The following FCAMR variants were observed in gnomAD, a reference collection of about 807,000 sequenced individuals.
The protein encoded by FCAMR is Fc alpha and mu receptor, also known as high affinity immunoglobulin alpha and immunoglobulin mu Fc receptor.
In FCAMR, 51 loss-of-function variants were observed where a neutral mutation model predicts 52.2. The ratio of observed to expected loss-of-function variants is 0.98; its 90% CI spans 0.78 to 1.23. The LOEUF is 1.23. Among genes scored for constraint, FCAMR ranks in the 50% most tolerant of loss-of-function variants. The probability of loss-of-function intolerance (pLI) is 0.00; values close to 1 mark genes in which losing one functional copy is unlikely to be tolerated. For missense variants in FCAMR, 719 were observed against 712.6 expected, an observed-to-expected ratio of 1.01 and a Z score of -0.10; for synonymous variants, 282 against 262.0, an observed-to-expected ratio of 1.08 and a Z score of -0.74.
At position 206,966,992 on chromosome 1, in the gene FCAMR, G is replaced by A. The variant is rs1028050614; in HGVS notation, c.169+60C>T. On this transcript the variant is annotated intron_variant, in intron 3 of 7. Transcript: ENST00000324852. ...CCAGCCTGTGAGGACCTTTAGGGCA[G>A]CCTGGAAGACTCAGGTCTGGTTTTG... is the stretch of plus-strand genomic sequence containing the variant. 9.5e-6 allele frequency: 15 copies of A among 1,575,696 alleles called. No individual in the cohort carries two copies. In the African/African-American group the frequency reaches 1.2e-4, roughly 13 times the overall value.
At chr1:206,968,060 C>T (rs760225070) in intron 1 of FCAMR, among the ~76,000 whole-genome samples, 5 of 152,204 alleles carry the variant, frequency 3.3e-5, no homozygotes, top group Admixed American at 1.3e-4. Flanking sequence ...GAGATTGTGG[C>T]CGGGCACAGT....
In FCAMR at chr1:206,967,645, C is replaced by G. The variant is rs998549341; in HGVS notation, c.46G>C (p.Val16Leu). ...TAGTCCACTTCTCTTCCTCTCCTCA[C>G]CACTTCCTGTTTGCAGAAGGGGAAT... ...TVKPGEQKEV[V>L]RRGREVDYSR... The change falls in exon 2 of 8, where the codon GTG (valine) becomes CTG (leucine). Residue 16 changes from valine to leucine, a missense_variant. Coordinates refer to ENST00000324852, the MANE Select transcript of FCAMR (RefSeq NM_001170631.2). 6.2e-7 allele frequency: 1 copy of G among 1,614,136 alleles called. No homozygotes were observed. The highest frequency in any genetic ancestry group is 8.5e-7 in the Non-Finnish European group (1 of 1,179,972).
Position 206,958,508 on chromosome 1 carries a change from T to G in FCAMR, c.*8A>C, listed in dbSNP as rs184963036. 8,963 of 1,609,608 alleles carry G rather than the reference T, an allele frequency of 5.6e-3. 33 individuals carry two copies. Among genetic ancestry groups the G allele is most frequent in the Non-Finnish European group, 7.0e-3 (8,244 of 1,178,454 alleles). ...CCATGGTAACTGAGCAGTTCATCTC[T>G]CTGTCCCTCAGGGTCCTGGATTTCT... On this transcript the variant is annotated 3_prime_UTR_variant, in exon 8 of 8. Coordinates refer to ENST00000324852, the MANE Select transcript of FCAMR (RefSeq NM_001170631.2).
rs114889196 is a variant in FCAMR, at chr1:206,960,697, T to G, written c.1179A>C (p.Gln393His). 2 of 1,552,268 alleles carry G rather than the reference T, an allele frequency of 1.3e-6. No homozygotes were observed. Among genetic ancestry groups the G allele is most frequent in the East Asian group, 2.4e-5 (1 of 40,926 alleles). The stretch of plus-strand genomic sequence containing the variant: ...ATTGTTGCTTAGAAACTGGCGTTGC[T>G]TGTGGGAGGATTTCCCAGGCCAAAG... ...SETLAWEILP[Q>H]ATPVSKQQSQ... The change falls in exon 6 of 8, where the codon CAA becomes CAC. Residue 393 changes from glutamine (Q) to histidine (H), a missense_variant. Coordinates refer to ENST00000324852, the MANE Select transcript of FCAMR (RefSeq NM_001170631.2).
chr1:206,959,617 C>A (rs182073706), intron 7 of FCAMR, 62 bp downstream of exon 7: 10 of 1,348,636 alleles, frequency 7.4e-6, no homozygotes, highest in Non-Finnish European at 9.6e-6. Context: ...CCCTACCCAG[C>A]CCTGAGGGTG....
At chr1:206,959,498 AAAAGAAAGAAAAAAAG>A (rs1408699953) in intron 7 of FCAMR, among the ~76,000 whole-genome samples, 165 bp downstream of exon 7, 1 of 151,166 alleles carries the variant, frequency 6.6e-6, no homozygotes, top group African/African-American at 2.4e-5. Context: ...AAAAGAAAAG[AAAAGAAAGAAAAAAAG>A]AAAGAAAGAA....
intron 4 of FCAMR, among the ~76,000 whole-genome samples, 168 bp from the exon 5 acceptor site, chr1:206,962,719 C>T (rs573230473): frequency 6.6e-6 from 1 of 152,284 alleles, no homozygotes; most frequent in South Asian, 2.1e-4. Flanking sequence ...ATTGGGAAAG[C>T]AGATGTTGTC....
rs1317408427 is a variant in FCAMR, at chr1:206,959,488, AAAAG to A, written c.1573+187_1573+190del. 3.9e-3 allele frequency among the ~76,000 whole-genome samples: 597 copies of A among 151,594 alleles called. 6 individuals are homozygous for A. Among genetic ancestry groups the A allele is most frequent in the African/African-American group, 0.014 (564 of 41,262 alleles). ...CAAGAGTCTGTCTAAAAAAAAAAAA[AAAAG>A]AAAAGAAAAGAAAGAAAAAAAGAAA... is the stretch of plus-strand genomic sequence containing the variant. On this transcript the variant is annotated intron_variant, in intron 7 of 7. Transcript: ENST00000324852.
intron 1 of FCAMR, among the ~76,000 whole-genome samples, chr1:206,967,924 A>G (rs1680777669): frequency 6.6e-6 from 1 of 152,190 alleles, no homozygotes; most frequent in Non-Finnish European, 1.5e-5. Flanking sequence ...TCATGCTCTG[A>G]AAGGGGATCT....
chr1:206,966,448 C>T (rs1041660997), intron 3 of FCAMR, among the ~76,000 whole-genome samples: 16 of 152,262 alleles, frequency 1.1e-4, no homozygotes, highest in South Asian at 1.0e-3. Flanking sequence ...TGCAGTGGCG[C>T]GATCTCAGCT....
In FCAMR at chr1:206,960,878, G is replaced by A. The variant is rs1415016346; in HGVS notation, c.998C>T (p.Ser333Leu). Residue 333 changes from serine (S) to leucine (L), a missense_variant, in exon 6 of 8, where the codon TCG (serine) becomes TTG (leucine). Transcript: ENST00000324852. Reference sequence around the variant, plus strand: ...GCTGGCTCTAGCCCTGTTTGTCACCGAGCTTCTGGTGCCCTCCCAAACACC... The same window carrying A: ...GCTGGCTCTAGCCCTGTTTGTCACCAAGCTTCTGGTGCCCTCCCAAACACC... ...TEGVWEGTRS[S>L]VTNRARASKD... 11 of 1,552,282 alleles carry A rather than the reference G, an allele frequency of 7.1e-6. No homozygotes were observed. In the East Asian group the frequency reaches 9.8e-5, roughly 14 times the overall value.
Position 206,960,504 on chromosome 1 carries a change from C to T in FCAMR, c.1372G>A (p.Asp458Asn), listed in dbSNP as rs777631369. ...AAGDLDAATG[D>N]RGPQATLSQT... ...CTCAGTGTTGCTTGGGGACCTCTGT[C>T]TCCAGTGGCAGCATCTAGGTCCCCT... The change falls in exon 6 of 8, where the codon GAC becomes AAC. Residue 458 changes from aspartate (D) to asparagine (N), a missense_variant. Transcript: ENST00000324852. 16 of 1,551,080 alleles carry T rather than the reference C, an allele frequency of 1.0e-5. No homozygotes were observed. The highest frequency in any genetic ancestry group is 5.5e-5 in the African/African-American group (4 of 73,038).
In FCAMR at chr1:206,962,245, A is replaced by G. The variant is rs1558024577; in HGVS notation, c.620T>C (p.Leu207Pro). 3 of 1,614,222 alleles carry G rather than the reference A, an allele frequency of 1.9e-6. No homozygotes were observed. Among genetic ancestry groups the G allele is most frequent in the East Asian group, 2.2e-5 (1 of 44,892 alleles). Residue 207 changes from leucine to proline, a missense_variant, in exon 5 of 8, where the codon CTG (leucine) becomes CCG (proline). Physicochemically the swap from Leu to Pro is moderately conservative, Grantham distance 98 (BLOSUM62 -3). Coordinates refer to ENST00000324852, the MANE Select transcript of FCAMR (RefSeq NM_001170631.2). ...LCGIGSENNMLFLSMNLTISA... is the reference protein window; with the variant it reads ...LCGIGSENNMPFLSMNLTISA... ...GATGGTCAGATTCATGCTTAAGAACAGCATGTTGTTTTCACTTCCAATGCC... is the reference window on the plus strand; with the variant it reads ...GATGGTCAGATTCATGCTTAAGAACGGCATGTTGTTTTCACTTCCAATGCC...
At chr1:206,959,548 T>C in intron 7 of FCAMR, 131 bp downstream of exon 7, 3 of 659,312 alleles carry the variant, frequency 4.6e-6, no homozygotes, top group Non-Finnish European at 8.1e-6. Context: ...CAAGAGTGGT[T>C]AAATGGCTCA....
chr1:206,968,274 G>A (rs1680793302), intron 1 of FCAMR, among the ~76,000 whole-genome samples: 1 of 152,204 alleles, frequency 6.6e-6, no homozygotes, highest in Non-Finnish European at 1.5e-5. Flanking sequence ...AGAAGGCAGA[G>A]GTTGCAGTGA....
chr1:206,962,407 T>C lies in FCAMR; in HGVS notation c.458A>G (p.Gln153Arg), dbSNP rs201548850. Residue 153 changes from glutamine to arginine, a missense_variant, in exon 5 of 8, where the codon CAG (glutamine) becomes CGG (arginine). Coordinates refer to ENST00000324852, the MANE Select transcript of FCAMR (RefSeq NM_001170631.2). ...CRLGPPRWIC[Q>R]TIVSTNQYTH... Reference sequence around the variant, plus strand: ...ATACTGGTTGGTGGACACAATGGTCTGGCAGATCCATCTTGGGGGCCCCAG... The same window carrying C: ...ATACTGGTTGGTGGACACAATGGTCCGGCAGATCCATCTTGGGGGCCCCAG... 47 of 1,614,080 alleles carry C rather than the reference T, an allele frequency of 2.9e-5. No homozygotes were observed. Among genetic ancestry groups the C allele is most frequent in the Non-Finnish European group, 2.6e-5 (31 of 1,180,022 alleles).
rs1219928369 is a variant in FCAMR, at chr1:206,962,358, A to G, written c.507T>C (p.Arg169=). 6.2e-7 allele frequency: 1 copy of G among 1,614,100 alleles called. No homozygotes were observed. The highest frequency in any genetic ancestry group is 1.3e-5 in the African/African-American group (1 of 74,926). The change falls in exon 5 of 8, where the codon CGT becomes CGC. Residue 169 remains arginine (R), a synonymous_variant. Transcript: ENST00000324852. ...TCTGTGGAAAGTCTGTGAGGGCCAC[A>G]CGGTCACGATAGCGATGGTGAGTAT... The part of the protein sequence containing the change: ...NQYTHHRYRD[R]VALTDFPQRG...
rs1169832204 is a variant in FCAMR, at chr1:206,961,134, A to G, written c.742T>C (p.Trp248Arg). Residue 248 changes from tryptophan (W) to arginine (R), a missense_variant, in exon 6 of 8, where the codon TGG (tryptophan) becomes CGG (arginine). Transcript: ENST00000324852. ...AAGGTCTGGGTGGTTCCTGGGGTCC[A>G]TCTGTTGGCCACTGGAGACGCTGTT... ...YGTASPVANR[W>R]TPGTTQTLGQ... The G allele has an allele frequency of 8.4e-6, 13 of 1,551,560 alleles. No homozygotes were observed. Among genetic ancestry groups the G allele is most frequent in the Non-Finnish European group, 1.0e-5 (12 of 1,147,008 alleles).
At chr1:206,962,619 A>T in intron 4 of FCAMR, 68 bp from the exon 5 acceptor site, 2 of 1,307,390 alleles carry the variant, frequency 1.5e-6, no homozygotes, top group Non-Finnish European at 1.0e-6. Flanking sequence ...GGACTCACGA[A>T]CTCTGAACTC....
Sources: allele counts gnomAD v4.1 joint callset (sites outside exome capture counted in the v4.1 genomes callset), GRCh38; gene constraint gnomAD v4.1.1; transcripts MANE v1.5; gene names NCBI Gene and HGNC (gene_info 2026-07-23, HGNC 2026-07-21).